SP140: variants seen among roughly 807,000 people sequenced by gnomAD.
SP140 encodes the protein SP140 nuclear body protein.
SP140 carries 81 observed loss-of-function variants against 125.0 expected under a neutral mutation model. The ratio of observed to expected loss-of-function variants is 0.65; its 90% confidence interval spans 0.54 to 0.78. The LOEUF is 0.78. SP140 is among the 30% of genes least tolerant of loss of function. The pLI is 0.00. For synonymous variants in SP140, 312 were observed against 354.0 expected, an observed-to-expected ratio of 0.88 and a Z score of 1.33; for missense variants, 858 against 1,037.0, an observed-to-expected ratio of 0.83 and a Z score of 2.37.
In SP140 at chr2:230,303,219, G is replaced by A. The variant is rs147121849; in HGVS notation, c.2058+5757G>A. Among the ~76,000 whole-genome samples the A allele has an allele frequency of 3.6e-3, 552 of 152,198 alleles. 6 individuals are homozygous for A. Among genetic ancestry groups the A allele is most frequent in the Admixed American group, 0.013 (198 of 15,292 alleles). On this transcript the variant is annotated intron_variant, in intron 22 of 26. Transcript: ENST00000392045. Reference sequence around the variant, plus strand: ...AAATAAGCCCAATTAGAAACAAAATGGGAGATATTACAACCAACACCACAG... The same window carrying A: ...AAATAAGCCCAATTAGAAACAAAATAGGAGATATTACAACCAACACCACAG...
intron 17 of SP140, among the ~76,000 whole-genome samples, chr2:230,286,101 T>C (rs1279441668): frequency 3.9e-5 from 6 of 152,226 alleles, no homozygotes; most frequent in Admixed American, 3.9e-4. Context: ...CAAATCATTG[T>C]TTTATTAAAA....
At chr2:230,283,290 C>T (rs1427997863) in intron 15 of SP140, among the ~76,000 whole-genome samples, 1 of 152,228 alleles carries the variant, frequency 6.6e-6, no homozygotes, top group Non-Finnish European at 1.5e-5. Flanking sequence ...TGCTTCACTG[C>T]TGCAAAATCT....
At chr2:230,281,339 G>A (rs766915070) in intron 15 of SP140, among the ~76,000 whole-genome samples, 6 of 152,292 alleles carry the variant, frequency 3.9e-5, no homozygotes, top group South Asian at 2.1e-4. Flanking sequence ...GGCTGCAGAC[G>A]TTAGCACTAT....
intron 10 of SP140, among the ~76,000 whole-genome samples, chr2:230,252,254 C>T (rs890540005): frequency 6.6e-6 from 1 of 151,592 alleles, no homozygotes; most frequent in Non-Finnish European, 1.5e-5. Context: ...GAGAAAGAGA[C>T]AGATATTCAG....
chr2:230,239,669 G>C (rs2048446526), intron 3 of SP140, among the ~76,000 whole-genome samples: 1 of 152,180 alleles, frequency 6.6e-6, no homozygotes, highest in Admixed American at 6.5e-5. Context: ...GGCTGGTCTT[G>C]AACCCCCGAC....
At chr2:230,294,528 C>A (rs758777833) in intron 21 of SP140, among the ~76,000 whole-genome samples, 31 of 151,758 alleles carry the variant, frequency 2.0e-4, no homozygotes, top group Non-Finnish European at 3.5e-4. Flanking sequence ...TTGGATTCAA[C>A]CATTTCATAT....
At chr2:230,251,756 G>C (rs1313276682) in intron 10 of SP140, among the ~76,000 whole-genome samples, 1 of 152,058 alleles carries the variant, frequency 6.6e-6, no homozygotes, top group Non-Finnish European at 1.5e-5. Context: ...TATGTTATTG[G>C]ATCATGCAGT....
intron 8 of SP140, 137 bp downstream of exon 8, chr2:230,248,202 C>A: frequency 1.3e-6 from 1 of 768,918 alleles, no homozygotes; most frequent in Non-Finnish European, 2.1e-6. Context: ...TTTACCCTCA[C>A]AAAATCTTTA....
At chr2:230,226,762 CA>C (rs11323886) in intron 1 of SP140, among the ~76,000 whole-genome samples, 58,304 of 94,120 alleles carry the variant, frequency 0.62, 15,661 homozygotes, top group African/African-American at 0.71. Context: ...AATTCCATCT[CA>C]AAAAAAAAAA....
rs755241546 is a variant in SP140, at chr2:230,310,007, G to A, written c.2142G>A (p.Glu714=). 1 of 1,614,182 alleles carries A rather than the reference G, an allele frequency of 6.2e-7. No homozygotes were observed. The highest frequency in any genetic ancestry group is 1.1e-5 in the South Asian group (1 of 91,076). The change falls in exon 23 of 27, where the codon GAG becomes GAA. Residue 714 remains glutamate (E), a synonymous_variant. Coordinates refer to ENST00000392045, the MANE Select transcript of SP140 (RefSeq NM_007237.5). ...ACACTTGTTCAAGAGTCTTCCATGAGGACTGTCACATCCCGCCTGTGGAAG... is the reference window on the plus strand; with the variant it reads ...ACACTTGTTCAAGAGTCTTCCATGAAGACTGTCACATCCCGCCTGTGGAAG... ...CCDTCSRVFH[E]DCHIPPVEAE...
intron 17 of SP140, among the ~76,000 whole-genome samples, chr2:230,287,131 T>C (rs2149454198): frequency 6.6e-6 from 1 of 152,338 alleles, no homozygotes; most frequent in Non-Finnish European, 1.5e-5. Flanking sequence ...GTGTCTGCCA[T>C]GTCAATCCTT....
chr2:230,251,074 A>G lies in SP140; in HGVS notation c.1057+13A>G. On this transcript the variant is annotated intron_variant, in intron 10 of 26. Coordinates refer to ENST00000392045, the MANE Select transcript of SP140 (RefSeq NM_007237.5). ...AGATGTGGGTCAGGTAAAGAAGGGG[A>G]GGATTTCTGGCCCTGGGCTGCAGAG... The G allele has an allele frequency of 1.2e-6, 2 of 1,609,452 alleles. No homozygotes were observed. Among genetic ancestry groups the G allele is most frequent in the African/African-American group, 2.7e-5 (2 of 74,916 alleles).
Position 230,211,596 on chromosome 2 carries a change from G to C in SP140, c.-322-2058G>C, listed in dbSNP as rs140371727. On this transcript the variant is annotated intron_variant, in intron 1 of 4. Transcript: ENST00000456542. This position sits in a 1 kb window ranked among gnomAD's most constrained non-coding sequence, Gnocchi z 4.2. ...AAGTTTTAGATCTCAGGAACAGCAAGCAGGGACCAGAATGAGGAGAAAAGA... is the reference window on the plus strand; with the variant it reads ...AAGTTTTAGATCTCAGGAACAGCAACCAGGGACCAGAATGAGGAGAAAAGA... 2.5e-5 allele frequency: 29 copies of C among 1,154,824 alleles called. No homozygotes were observed. The African/African-American group carries it at 3.6e-4, about 14-fold the overall frequency. The allele number at this position is 1,154,824 out of a possible 1,614,324, so 71.5% of individuals were successfully genotyped here.
intron 19 of SP140, 51 bp downstream of exon 19, chr2:230,290,615 A>T (rs766878222): frequency 7.1e-7 from 1 of 1,408,436 alleles, no homozygotes; most frequent in South Asian, 1.2e-5. Flanking sequence ...AAGGCATCAC[A>T]AGTAGTGGGG....
chr2:230,299,075 A>C (rs1369007520), intron 22 of SP140, among the ~76,000 whole-genome samples: 1 of 152,236 alleles, frequency 6.6e-6, no homozygotes, highest in Admixed American at 6.5e-5. Context: ...AAAATGGCAG[A>C]TAGGAGGCAG....
rs188525785 is a variant in SP140, at chr2:230,258,895, G to T, written c.1240+3363G>T. ...TAAAATTAAATGAGTGCAGCAAGCT[G>T]CACTTTTTTTTTTTTCTAAACGGGA... On this transcript the variant is annotated intron_variant, in intron 12 of 26. Coordinates refer to ENST00000392045, the MANE Select transcript of SP140 (RefSeq NM_007237.5). 1.3e-4 allele frequency among the ~76,000 whole-genome samples: 19 copies of T among 150,918 alleles called. No individual in the cohort carries two copies. In the East Asian group the frequency reaches 3.7e-3, roughly 29 times the overall value.
At position 230,243,444 on chromosome 2, in the gene SP140, CAG is replaced by C. The variant is rs138054788; in HGVS notation, c.491-284_491-283del. ...TCCAAGAAACATCCGCAGAAAAAAACAGAGGCAGAGATTGAGGAAATGTACAG... is the reference window on the plus strand; with the variant it reads ...TCCAAGAAACATCCGCAGAAAAAAACAGGCAGAGATTGAGGAAATGTACAG... On this transcript the variant is annotated intron_variant, in intron 4 of 26. Transcript: ENST00000392045. 6.8e-4 allele frequency among the ~76,000 whole-genome samples: 103 copies of C among 152,150 alleles called. 1 individual carries two copies. In the East Asian group the frequency reaches 0.018, roughly 26 times the overall value.
Position 230,278,444 on chromosome 2 carries a change from G to A in SP140, c.1499-5902G>A, listed in dbSNP as rs574106650. 5.9e-5 allele frequency among the ~76,000 whole-genome samples: 9 copies of A among 151,960 alleles called. No homozygotes were observed. The South Asian group carries it at 1.0e-3, about 18-fold the overall frequency. ...GTTTGCAAATGTTTTCTCCTATTCCGTAGGTTGCCTTTTCATTTTTACAAT... is the reference window on the plus strand; with the variant it reads ...GTTTGCAAATGTTTTCTCCTATTCCATAGGTTGCCTTTTCATTTTTACAAT... On this transcript the variant is annotated intron_variant, in intron 15 of 26. Transcript: ENST00000392045.
intron 15 of SP140, among the ~76,000 whole-genome samples, chr2:230,284,123 G>T (rs55796826): frequency 6.6e-6 from 1 of 152,048 alleles, no homozygotes; most frequent in Non-Finnish European, 1.5e-5. Context: ...TCAAAGGAAC[G>T]TCATCTCCTG....
Sources: gnomAD v4.1 joint callset for allele counts (sites outside exome capture counted in the v4.1 genomes callset) on GRCh38, gnomAD v4.1.1 for gene constraint, Gnocchi (gnomAD v3.1) non-coding constraint, MANE v1.5 for transcripts, NCBI Gene and HGNC (gene_info 2026-07-23, HGNC 2026-07-21) for gene names.